Variants in KCNMB2 observed in about 807,000 individuals in gnomAD.
The protein encoded by KCNMB2 is potassium calcium-activated channel subfamily M regulatory beta subunit 2, also known as calcium-activated potassium channel subunit beta-2.
In KCNMB2, 9 loss-of-function variants were observed where a neutral mutation model predicts 24.5. The observed-to-expected ratio is 0.37, with a 90% CI of 0.22 to 0.64. KCNMB2 has a LOEUF of 0.64. KCNMB2 is among the 30% of genes least tolerant of loss of function. KCNMB2 has a pLI of 0.63. For missense variants in KCNMB2, 226 were observed against 284.3 expected, an observed-to-expected ratio of 0.79 and a Z score of 1.47; for synonymous variants, 109 against 104.4, an observed-to-expected ratio of 1.04 and a Z score of -0.27.
intron 1 of KCNMB2, among the ~76,000 whole-genome samples, chr3:178,546,109 T>C (rs1715764141): frequency 6.6e-6 from 1 of 152,212 alleles, no homozygotes; most frequent in African/African-American, 2.4e-5. Context: ...ATAAAGTTTA[T>C]GTACAAAGGA....
At chr3:178,758,387 CATATAT>C (rs1192586547) in intron 1 of KCNMB2, among the ~76,000 whole-genome samples, 2 of 3,236 alleles carry the variant, frequency 6.2e-4, no homozygotes, top group Non-Finnish European at 8.2e-4. Flanking sequence ...AGAGGGGATA[CATATAT>C]ATATATATAT....
intron 1 of KCNMB2, among the ~76,000 whole-genome samples, chr3:178,677,625 T>C (rs1721115023): frequency 6.6e-6 from 1 of 152,164 alleles, no homozygotes; most frequent in African/African-American, 2.4e-5. Context: ...CTGTGCACCA[T>C]GTAAAGAGAA....
intron 1 of KCNMB2, among the ~76,000 whole-genome samples, chr3:178,589,695 G>C (rs1240510713): frequency 6.6e-6 from 1 of 152,104 alleles, no homozygotes; most frequent in Admixed American, 6.5e-5. Flanking sequence ...TGCCTACGCT[G>C]GTCTCAAACT....
chr3:178,710,622 A>G (rs1223010703), intron 1 of KCNMB2, among the ~76,000 whole-genome samples: 1 of 151,832 alleles, frequency 6.6e-6, no homozygotes, highest in East Asian at 1.9e-4. Flanking sequence ...CCCCACTCAT[A>G]TGTGTATGTG....
In KCNMB2 at chr3:178,625,938, G is replaced by A. The variant is rs577732741; in HGVS notation, c.-68+89227G>A. ...GATCTTGCCATAAGTATTAGTGAGA[G>A]ACATTCCCCTGTCTCATTTATTATA... On this transcript the variant is annotated intron_variant, in intron 1 of 4. Coordinates refer to ENST00000452583, the MANE Select transcript of KCNMB2 (RefSeq NM_181361.3). Among the ~76,000 whole-genome samples, 4 of 152,292 alleles carry A rather than the reference G, an allele frequency of 2.6e-5. No individual in the cohort carries two copies. In the South Asian group the frequency reaches 6.2e-4, roughly 24 times the overall value.
At chr3:178,733,778 C>T (rs1191034991) in intron 1 of KCNMB2, among the ~76,000 whole-genome samples, 1 of 152,048 alleles carries the variant, frequency 6.6e-6, no homozygotes, top group African/African-American at 2.4e-5. Context: ...CGCACCCAGC[C>T]CTTAAATTTT....
chr3:178,761,898 A>G (rs965848765), intron 1 of KCNMB2, among the ~76,000 whole-genome samples: 2 of 152,204 alleles, frequency 1.3e-5, no homozygotes, highest in African/African-American at 4.8e-5. Context: ...TAGGCTGGGC[A>G]TGGTGGTTCA....
intron 1 of KCNMB2, among the ~76,000 whole-genome samples, chr3:178,649,831 C>CT (rs34965671): frequency 0.77 from 116,861 of 151,316 alleles, 45,896 homozygotes; most frequent in African/African-American, 0.95. Flanking sequence ...GATTCATTGA[C>CT]TTTTTTCTCC....
intron 1 of KCNMB2, among the ~76,000 whole-genome samples, chr3:178,679,754 T>C (rs1187227418): frequency 6.6e-6 from 1 of 152,106 alleles, no homozygotes. Flanking sequence ...AAAATAAAGA[T>C]GCCCAAAGGC....
At chr3:178,649,319 T>C (rs1343629064) in intron 1 of KCNMB2, among the ~76,000 whole-genome samples, 1 of 152,158 alleles carries the variant, frequency 6.6e-6, no homozygotes, top group Non-Finnish European at 1.5e-5. Flanking sequence ...CACCTTCTAT[T>C]CTTTTCATAT....
intron 1 of KCNMB2, among the ~76,000 whole-genome samples, chr3:178,593,581 T>G (rs1717757624): frequency 1.3e-5 from 2 of 152,026 alleles, no homozygotes; most frequent in Non-Finnish European, 2.9e-5. Context: ...GACAAAGTTT[T>G]ATTCTATTGA....
At chr3:178,594,088 A>G (rs1182750485) in intron 1 of KCNMB2, among the ~76,000 whole-genome samples, 3 of 151,692 alleles carry the variant, frequency 2.0e-5, no homozygotes, top group African/African-American at 7.3e-5. Context: ...TTTGAGGAAT[A>G]TCAGGAAGAC....
chr3:178,541,962 C>A (rs932669490), intron 1 of KCNMB2, among the ~76,000 whole-genome samples: 1 of 152,068 alleles, frequency 6.6e-6, no homozygotes, highest in African/African-American at 2.4e-5. Context: ...GCCAAAGCAC[C>A]CACCCTGTCA....
intron 4 of KCNMB2, among the ~76,000 whole-genome samples, chr3:178,838,030 TAC>T (rs1259476659): frequency 5.3e-5 from 8 of 152,214 alleles, no homozygotes; most frequent in African/African-American, 1.9e-4. Context: ...CACAAAAATA[TAC>T]AGATACCTGA....
At chr3:178,570,649 C>T (rs1716744751) in intron 1 of KCNMB2, among the ~76,000 whole-genome samples, 1 of 150,258 alleles carries the variant, frequency 6.7e-6, no homozygotes, top group African/African-American at 2.5e-5. Flanking sequence ...AGAGAAAAAA[C>T]CCTGAACACT....
At chr3:178,729,582 C>T (rs958703690) in intron 1 of KCNMB2, among the ~76,000 whole-genome samples, 4 of 152,114 alleles carry the variant, frequency 2.6e-5, no homozygotes, top group African/African-American at 7.2e-5. Flanking sequence ...GGTGCTGGGG[C>T]GAAGTCAGCC....
chr3:178,757,106 G>C (rs1369581769), intron 1 of KCNMB2: 1 of 146,916 alleles, frequency 6.8e-6, no homozygotes, highest in Non-Finnish European at 1.5e-5. Flanking sequence ...CCCCATCTTT[G>C]TTTCTTCTTT....
chr3:178,817,722 T>C (rs533805575), intron 2 of KCNMB2, among the ~76,000 whole-genome samples: 10 of 152,302 alleles, frequency 6.6e-5, no homozygotes, highest in African/African-American at 2.4e-4. Context: ...TAGAGTCCAA[T>C]GGACACTGAT....
At chr3:178,661,470 C>T (rs1272152829) in intron 1 of KCNMB2, among the ~76,000 whole-genome samples, 1 of 152,102 alleles carries the variant, frequency 6.6e-6, no homozygotes, top group African/African-American at 2.4e-5. Context: ...GAGACAGACA[C>T]TAAACAGCTT....
Sources: allele counts gnomAD v4.1 joint callset (sites outside exome capture counted in the v4.1 genomes callset), GRCh38; gene constraint gnomAD v4.1.1; transcripts MANE v1.5; gene names NCBI Gene and HGNC (gene_info 2026-07-23, HGNC 2026-07-21).